GRM5: variants seen among roughly 807,000 people sequenced by gnomAD.
The protein encoded by GRM5 is glutamate metabotropic receptor 5.
GRM5 carries 19 observed loss-of-function variants against 83.1 expected under a neutral mutation model. The observed-to-expected ratio is 0.23, with a 90% CI of 0.16 to 0.34. GRM5 has a LOEUF of 0.34. GRM5 is among the 10% of genes least tolerant of loss of function. GRM5 has a pLI of 1.00. For missense variants in GRM5, 1,160 were observed against 1,588.3 expected (o/e 0.73, Z 4.58); for synonymous variants, 675 against 633.6 (o/e 1.07, Z -0.98).
chr11:88,557,828 G>A (rs777014475), intron 8 of GRM5, among the ~76,000 whole-genome samples: 17 of 150,332 alleles, frequency 1.1e-4, no homozygotes, highest in Non-Finnish European at 2.2e-4. Flanking sequence ...AGGTATACAC[G>A]TGCCATGGTG....
At chr11:88,826,316 A>C (rs1025106389) in intron 3 of GRM5, among the ~76,000 whole-genome samples, 2 of 152,090 alleles carry the variant, frequency 1.3e-5, no homozygotes, top group Admixed American at 1.3e-4. Context: ...TAAGTATTAA[A>C]TATTTAGTAC....
At chr11:88,683,161 A>G (rs1249969538) in intron 3 of GRM5, among the ~76,000 whole-genome samples, 2 of 152,180 alleles carry the variant, frequency 1.3e-5, no homozygotes, top group African/African-American at 2.4e-5. Context: ...CATAGCTACA[A>G]TGCCACCACA....
chr11:88,829,671 CATCT>C (rs1211873975), intron 3 of GRM5, among the ~76,000 whole-genome samples: 1 of 151,550 alleles, frequency 6.6e-6, no homozygotes, highest in Non-Finnish European at 1.5e-5. Flanking sequence ...CACATCTGAT[CATCT>C]ATCTCAAGGA....
At chr11:88,859,367 A>G (rs1471761179) in intron 2 of GRM5, among the ~76,000 whole-genome samples, 1 of 151,860 alleles carries the variant, frequency 6.6e-6, no homozygotes, top group Non-Finnish European at 1.5e-5. Context: ...GGAACAGAGT[A>G]AGCACTGAAT....
At chr11:88,636,421 A>T (rs938230369) in intron 4 of GRM5, among the ~76,000 whole-genome samples, 4 of 152,064 alleles carry the variant, frequency 2.6e-5, no homozygotes, top group African/African-American at 9.7e-5. Flanking sequence ...CTGAGGCAGG[A>T]TAATTGATTG....
chr11:88,780,757 C>A (rs952545306), intron 3 of GRM5, among the ~76,000 whole-genome samples: 12 of 152,002 alleles, frequency 7.9e-5, no homozygotes, highest in Admixed American at 2.0e-4. Context: ...AAACTTCTGG[C>A]CCCCTACATC....
At chr11:88,525,285 T>G in intron 9 of GRM5, 24 bp downstream of exon 9, 1 of 1,358,796 alleles carries the variant, frequency 7.4e-7, no homozygotes, top group Non-Finnish European at 1.1e-6. Context: ...TCACACCACC[T>G]CAGGCCACTC....
chr11:88,807,118 G>A lies in GRM5; in HGVS notation c.911+42788C>T, dbSNP rs558083878. ...GACTCTACATCTCTTAATGGTAAAG[G>A]CATTGCCTTTTTACCTCTATATCTG... On this transcript the variant is annotated intron_variant, in intron 3 of 9. Transcript: ENST00000305447. Among the ~76,000 whole-genome samples, 4 of 152,208 alleles carry A rather than the reference G, an allele frequency of 2.6e-5. No individual in the cohort carries two copies. In the South Asian group the frequency reaches 8.3e-4, roughly 32 times the overall value.
At chr11:88,586,121 C>G (rs1030319197) in intron 7 of GRM5, among the ~76,000 whole-genome samples, 1 of 151,928 alleles carries the variant, frequency 6.6e-6, no homozygotes, top group Non-Finnish European at 1.5e-5. Flanking sequence ...CACACACACA[C>G]ACACACATAT....
At chr11:88,989,366 C>T (rs1939873911) in intron 2 of GRM5, among the ~76,000 whole-genome samples, 1 of 135,056 alleles carries the variant, frequency 7.4e-6, no homozygotes, top group African/African-American at 2.8e-5. Context: ...TAAATCAAGT[C>T]CTGAGTGACC....
chr11:88,928,721 G>T (rs1416647928), intron 2 of GRM5, among the ~76,000 whole-genome samples: 3 of 151,870 alleles, frequency 2.0e-5, no homozygotes, highest in Admixed American at 2.0e-4. Context: ...GTAATGTTTA[G>T]ATATTTTATT....
chr11:88,840,757 C>T (rs1370631400), intron 3 of GRM5, among the ~76,000 whole-genome samples: 1 of 152,156 alleles, frequency 6.6e-6, no homozygotes, highest in East Asian at 1.9e-4. Flanking sequence ...GTCCTTATGA[C>T]CCCTAATCTA....
chr11:88,617,071 T>G (rs766960021), intron 4 of GRM5, among the ~76,000 whole-genome samples: 5 of 152,236 alleles, frequency 3.3e-5, no homozygotes, highest in Non-Finnish European at 5.9e-5. Context: ...GATTGTCAAG[T>G]CAGTTTACCA....
At chr11:88,570,573 T>G (rs376740235) in intron 7 of GRM5, among the ~76,000 whole-genome samples, 2 of 35,166 alleles carry the variant, frequency 5.7e-5, no homozygotes, top group African/African-American at 5.4e-4. Context: ...ATATATATAT[T>G]TTTTTTTTTT....
intron 2 of GRM5, among the ~76,000 whole-genome samples, chr11:88,889,122 T>C (rs1269424701): frequency 6.6e-6 from 1 of 152,156 alleles, no homozygotes; most frequent in Non-Finnish European, 1.5e-5. Context: ...AGCACTAATC[T>C]TGAGGGCTAA....
chr11:88,907,710 G>A (rs1169349256), intron 2 of GRM5, among the ~76,000 whole-genome samples: 2 of 152,116 alleles, frequency 1.3e-5, no homozygotes, highest in Non-Finnish European at 2.9e-5. Context: ...TAGATCCCAG[G>A]TTTGTTGTTT....
At position 88,810,597 on chromosome 11, in the gene GRM5, G is replaced by T. The variant is rs565147187; in HGVS notation, c.911+39309C>A. 3.3e-5 allele frequency among the ~76,000 whole-genome samples: 5 copies of T among 152,214 alleles called. No individual in the cohort carries two copies. The East Asian group carries it at 9.6e-4, about 29-fold the overall frequency. On this transcript the variant is annotated intron_variant, in intron 3 of 9. Coordinates refer to ENST00000305447, the MANE Select transcript of GRM5 (RefSeq NM_001143831.3). ...ATCCTGAAGAAGGCATAAACAGGCAGAATGAATCCTGTTCGTTGCTCCTAC... is the reference window on the plus strand; with the variant it reads ...ATCCTGAAGAAGGCATAAACAGGCATAATGAATCCTGTTCGTTGCTCCTAC...
At chr11:88,938,747 T>A (rs1036205262) in intron 2 of GRM5, among the ~76,000 whole-genome samples, 2 of 151,686 alleles carry the variant, frequency 1.3e-5, no homozygotes, top group Non-Finnish European at 3.0e-5. Flanking sequence ...AGGTCATTCA[T>A]TTGAATGTCT....
chr11:88,882,500 G>A (rs1017775679), intron 2 of GRM5, among the ~76,000 whole-genome samples: 1 of 150,318 alleles, frequency 6.7e-6, no homozygotes, highest in Non-Finnish European at 1.5e-5. Context: ...GGTGGAGCTC[G>A]CAGTGAGCCG....
Sources: gnomAD v4.1 joint callset for allele counts (sites outside exome capture counted in the v4.1 genomes callset) on GRCh38, gnomAD v4.1.1 for gene constraint, MANE v1.5 for transcripts, NCBI Gene and HGNC (gene_info 2026-07-23, HGNC 2026-07-21) for gene names.